Variants in NAV2 observed in about 807,000 individuals in gnomAD.
The protein encoded by NAV2 is neuron navigator 2, also known as helicase, APC down-regulated 1.
A neutral mutation model predicts 223.2 loss-of-function variants in NAV2; 54 were observed. The ratio of observed to expected loss-of-function variants is 0.24; its 90% CI spans 0.19 to 0.30. The LOEUF (loss-of-function observed/expected upper bound fraction) is 0.30. Ranked by LOEUF, NAV2 falls within the 10% of genes least tolerant of loss-of-function variation. The pLI is 1.00. For missense variants in NAV2, 2,806 were observed against 3,147.5 expected, an observed-to-expected ratio of 0.89 and a Z score of 2.60; for synonymous variants, 1,279 against 1,239.3, an observed-to-expected ratio of 1.03 and a Z score of -0.67.
chr11:19,425,158 G>A (rs11025133), intron 1 of NAV2, among the ~76,000 whole-genome samples: 6,492 of 152,178 alleles, frequency 0.043, 247 homozygotes, highest in South Asian at 0.17. Context: ...AATTAATGCT[G>A]GAATAGTTCA....
chr11:19,506,836 G>T (rs2043136838), intron 1 of NAV2: 2 of 152,138 alleles, frequency 1.3e-5, no homozygotes, highest in African/African-American at 4.8e-5. Flanking sequence ...TATATAATTT[G>T]AGGGGCTCAC....
chr11:19,604,291 T>A (rs2046425884), intron 1 of NAV2, among the ~76,000 whole-genome samples: 1 of 152,100 alleles, frequency 6.6e-6, no homozygotes, highest in Non-Finnish European at 1.5e-5. Context: ...AAGTTGACAG[T>A]GGCTTGGACT....
intron 1 of NAV2, among the ~76,000 whole-genome samples, chr11:19,526,306 G>A (rs113047395): frequency 2.7e-4 from 41 of 152,178 alleles, no homozygotes; most frequent in African/African-American, 7.2e-4. Flanking sequence ...CAATGTTTTC[G>A]TCCTCTGTTA....
intron 1 of NAV2, among the ~76,000 whole-genome samples, chr11:19,515,109 C>T (rs1199163981): frequency 6.6e-6 from 1 of 152,178 alleles, no homozygotes; most frequent in Non-Finnish European, 1.5e-5. Context: ...GTATAAGCAT[C>T]AGTCTCCTCA....
At chr11:19,589,832 C>T (rs892260721) in intron 1 of NAV2, among the ~76,000 whole-genome samples, 2 of 152,150 alleles carry the variant, frequency 1.3e-5, no homozygotes, top group African/African-American at 2.4e-5. Context: ...AAGTTGGTTC[C>T]AGAAGGCACA....
At chr11:19,675,690 C>T (rs10766579) in intron 1 of NAV2, among the ~76,000 whole-genome samples, 107,809 of 152,094 alleles carry the variant, frequency 0.71, 44,268 homozygotes, top group Non-Finnish European at 0.91. Context: ...AGTGTGTGAG[C>T]TGTGGAGTGT....
chr11:19,748,833 A>G (rs759716299), intron 1 of NAV2, among the ~76,000 whole-genome samples: 2 of 152,256 alleles, frequency 1.3e-5, no homozygotes, highest in Non-Finnish European at 2.9e-5. Context: ...TCCCTCAGCC[A>G]GGTTTCCAAA....
intron 1 of NAV2, among the ~76,000 whole-genome samples, chr11:19,394,164 C>T (rs183312782): frequency 6.6e-6 from 1 of 152,234 alleles, no homozygotes; most frequent in African/African-American, 2.4e-5. Flanking sequence ...CCAGGAAAGT[C>T]ACTGAGTCTC....
intron 1 of NAV2, among the ~76,000 whole-genome samples, chr11:19,752,985 C>T (rs1489016005): frequency 6.6e-6 from 1 of 152,068 alleles, no homozygotes; most frequent in Non-Finnish European, 1.5e-5. Flanking sequence ...CATTATTGCT[C>T]TTATAAGGAG....
chr11:19,818,172 G>A (rs939961192), intron 1 of NAV2, among the ~76,000 whole-genome samples: 1 of 150,414 alleles, frequency 6.6e-6, no homozygotes, highest in African/African-American at 2.4e-5. Flanking sequence ...AGGGGTAGGG[G>A]TAAGGAGGGA....
At chr11:19,429,966 A>G (rs1564930361) in intron 1 of NAV2, among the ~76,000 whole-genome samples, 1 of 152,214 alleles carries the variant, frequency 6.6e-6, no homozygotes. Context: ...CATCTTGAGT[A>G]ATTAGAAAGT....
At chr11:19,991,333 C>T (rs1778465900) in intron 11 of NAV2, among the ~76,000 whole-genome samples, 2 of 151,924 alleles carry the variant, frequency 1.3e-5, no homozygotes, top group South Asian at 4.2e-4. Flanking sequence ...CCATGTTGCC[C>T]AGGCTGGTCT....
In NAV2 at chr11:19,713,558, A is replaced by AT. The variant is rs1027631353; in HGVS notation, c.-128dup. On this transcript the variant is annotated 5_prime_UTR_variant, in exon 1 of 38. Transcript: ENST00000349880. The surrounding 1 kb of genome is among the most constrained non-coding windows in gnomAD (Gnocchi z 7.2). ...TTGCTTCGAGTTCCCCGACCTGGGGATTTTTTTTTTAGCCGCTGGTGGTGG... is the reference window on the plus strand; with the variant it reads ...TTGCTTCGAGTTCCCCGACCTGGGGATTTTTTTTTTTAGCCGCTGGTGGTGG... The AT allele has an allele frequency of 2.7e-3, 3,484 of 1,282,758 alleles. 23 individuals are homozygous for AT. The African/African-American group carries it at 0.031, about 11-fold the overall frequency. The allele number at this position is 1,282,758 out of a possible 1,614,324, so 79.5% of individuals were successfully genotyped here. A position where few individuals can be genotyped will look rare whatever the true frequency, so the allele number is the denominator to read the frequency against.
chr11:19,585,699 T>C (rs565478928), intron 1 of NAV2, among the ~76,000 whole-genome samples: 2 of 152,228 alleles, frequency 1.3e-5, no homozygotes, highest in Non-Finnish European at 2.9e-5. Context: ...GAATGTTGAA[T>C]AATTGGCCCC....
chr11:19,874,033 T>C (rs2062698013), intron 4 of NAV2, among the ~76,000 whole-genome samples: 1 of 152,192 alleles, frequency 6.6e-6, no homozygotes, highest in Non-Finnish European at 1.5e-5. Flanking sequence ...AGCCCTCCCT[T>C]TGGCTTTGAA....
intron 2 of NAV2, among the ~76,000 whole-genome samples, chr11:19,836,951 T>C (rs1283999039): frequency 6.6e-6 from 1 of 152,178 alleles, no homozygotes; most frequent in African/African-American, 2.4e-5. Context: ...AAACTAATCC[T>C]GTTCATGAGA....
chr11:19,458,241 G>A (rs1260258723), intron 1 of NAV2, among the ~76,000 whole-genome samples: 1 of 152,236 alleles, frequency 6.6e-6, no homozygotes, highest in Non-Finnish European at 1.5e-5. Flanking sequence ...CCCAGTGACA[G>A]CCACACTGTA....
At chr11:19,811,073 G>A (rs1258369624) in intron 1 of NAV2, among the ~76,000 whole-genome samples, 1 of 152,180 alleles carries the variant, frequency 6.6e-6, no homozygotes, top group African/African-American at 2.4e-5. Context: ...GCAACACTGA[G>A]GAGGAAGAGA....
chr11:20,049,741 C>T (rs1242278409), intron 15 of NAV2, 95 bp from the exon 16 acceptor site: 4 of 1,185,424 alleles, frequency 3.4e-6, no homozygotes, highest in African/African-American at 1.5e-5. Flanking sequence ...AAGCGAGGAT[C>T]AGCATGGGGA....
Sources: allele counts gnomAD v4.1 joint callset (sites outside exome capture counted in the v4.1 genomes callset), GRCh38; gene constraint gnomAD v4.1.1; non-coding constraint Gnocchi (gnomAD v3.1); transcripts MANE v1.5; gene names NCBI Gene and HGNC (gene_info 2026-07-23, HGNC 2026-07-21).